Variants in PTPRT observed in about 807,000 individuals in gnomAD.
The protein encoded by PTPRT is protein tyrosine phosphatase receptor type T, also known as receptor-type tyrosine-protein phosphatase T.
A neutral mutation model predicts 176.8 loss-of-function variants in PTPRT; 56 were observed. The observed-to-expected ratio is 0.32, with a 90% CI of 0.26 to 0.40. The LOEUF (loss-of-function observed/expected upper bound fraction) is 0.40. Among genes scored for constraint, PTPRT ranks in the 10% least tolerant of loss-of-function variants. The pLI is 1.00. For synonymous variants in PTPRT, 783 were observed against 739.0 expected, an observed-to-expected ratio of 1.06 and a Z score of -0.96; for missense variants, 1,540 against 1,908.2, an observed-to-expected ratio of 0.81 and a Z score of 3.60.
intron 13 of PTPRT, among the ~76,000 whole-genome samples, chr20:42,274,063 G>A (rs974830799): frequency 3.3e-5 from 5 of 152,154 alleles, no homozygotes; most frequent in African/African-American, 1.2e-4. Flanking sequence ...ACAAAAGGAG[G>A]CAGAAACAGA....
At position 42,446,629 on chromosome 20, in the gene PTPRT, A is replaced by T. The variant is rs976042654; in HGVS notation, c.1560+1591T>A. Among the ~76,000 whole-genome samples, 1,271 of 147,210 alleles carry T rather than the reference A, an allele frequency of 8.6e-3. 18 individuals are homozygous for T. The highest frequency in any genetic ancestry group is 0.03 in the African/African-American group (1,163 of 39,176). ...GTGTGTGTGTGTGTGTGTGAGAGAG[A>T]GAGAGAGATTGTGGTTTCTGCTTTA... is the stretch of plus-strand genomic sequence containing the variant. On this transcript the variant is annotated intron_variant, in intron 9 of 30. Transcript: ENST00000373187.
intron 6 of PTPRT, among the ~76,000 whole-genome samples, chr20:42,744,546 T>C (rs992156109): frequency 2.8e-4 from 42 of 151,750 alleles, no homozygotes; most frequent in African/African-American, 9.7e-4. Context: ...CCTGTGGGGG[T>C]TTCTAATGGC....
chr20:42,512,587 CG>C (rs1293355711), intron 7 of PTPRT, among the ~76,000 whole-genome samples: 1 of 151,998 alleles, frequency 6.6e-6, no homozygotes, highest in African/African-American at 2.4e-5. Flanking sequence ...TAAATATTTG[CG>C]TATTTATTTT....
chr20:43,106,306 T>C (rs184873204), intron 1 of PTPRT, among the ~76,000 whole-genome samples: 564 of 152,070 alleles, frequency 3.7e-3, no homozygotes, highest in Middle Eastern at 6.8e-3. Flanking sequence ...TTCAGTAAAA[T>C]AACAAAAAGA....
intron 11 of PTPRT, among the ~76,000 whole-genome samples, chr20:42,321,456 T>C (rs1046825610): frequency 3.9e-5 from 6 of 152,192 alleles, no homozygotes; most frequent in African/African-American, 1.4e-4. Flanking sequence ...ATGTTTATTC[T>C]GATATTTATA....
chr20:42,471,408 T>C (rs2071195079), intron 8 of PTPRT, among the ~76,000 whole-genome samples: 1 of 152,006 alleles, frequency 6.6e-6, no homozygotes, highest in Non-Finnish European at 1.5e-5. Flanking sequence ...CGACAGTGAG[T>C]GAATTCCCCG....
intron 8 of PTPRT, among the ~76,000 whole-genome samples, chr20:42,460,316 G>A (rs1366290976): frequency 6.6e-6 from 1 of 152,218 alleles, no homozygotes; most frequent in Admixed American, 6.5e-5. Context: ...CCAGCTGCCT[G>A]TTTTTGTAAA....
chr20:42,817,591 T>C (rs2077811456), intron 2 of PTPRT, among the ~76,000 whole-genome samples: 1 of 152,188 alleles, frequency 6.6e-6, no homozygotes, highest in African/African-American at 2.4e-5. Flanking sequence ...CAGGATGAGG[T>C]GAGAAAAACA....
At chr20:42,897,690 C>A (rs2079327547) in intron 1 of PTPRT, among the ~76,000 whole-genome samples, 1 of 152,174 alleles carries the variant, frequency 6.6e-6, no homozygotes, top group South Asian at 2.1e-4. Flanking sequence ...GCAGTTAAAG[C>A]TATGAACTCC....
At chr20:42,257,987 A>T (rs1003493479) in intron 13 of PTPRT, among the ~76,000 whole-genome samples, 1 of 152,114 alleles carries the variant, frequency 6.6e-6, no homozygotes, top group Admixed American at 6.6e-5. Context: ...AGTCTAGCAC[A>T]GAGATTATTC....
intron 9 of PTPRT, among the ~76,000 whole-genome samples, chr20:42,411,905 G>A (rs2059022966): frequency 6.6e-6 from 1 of 151,840 alleles, no homozygotes; most frequent in Admixed American, 6.6e-5. Context: ...TGCTTAAACA[G>A]ATATCCATAT....
rs796973588 is a variant in PTPRT at position 42,597,494 on chromosome 20, T to C, written c.1153+80372A>G. Among the ~76,000 whole-genome samples the C allele has an allele frequency of 2.1e-3, 323 of 152,320 alleles. 3 individuals are homozygous for C. Among genetic ancestry groups the C allele is most frequent in the East Asian group, 2.1e-3 (11 of 5,182 alleles). ...TGACTGGATCATGGAGGCAGAGTTC[T>C]CATGAATGGTTTAACATCATCTTCC... On this transcript the variant is annotated intron_variant, in intron 7 of 30. Transcript: ENST00000373187.
intron 7 of PTPRT, among the ~76,000 whole-genome samples, chr20:42,507,996 C>T (rs548367181): frequency 1.1e-4 from 16 of 151,998 alleles, no homozygotes; most frequent in Middle Eastern, 3.4e-3. Flanking sequence ...CTTTCATTAA[C>T]GTATTTAATC....
intron 6 of PTPRT, among the ~76,000 whole-genome samples, chr20:42,679,414 A>G (rs1295594505): frequency 4.6e-5 from 7 of 152,212 alleles, no homozygotes; most frequent in Admixed American, 2.6e-4. Flanking sequence ...TGCACCAAGG[A>G]AAGCTGTCTG....
chr20:43,090,337 A>G lies in PTPRT; in HGVS notation c.88+99309T>C, dbSNP rs367774526. On this transcript the variant is annotated intron_variant, in intron 1 of 30. Transcript: ENST00000373187. Reference sequence around the variant, plus strand: ...GGCTGGAGTGCAGTGGCGCCATCTCAGCTCACTGCAAGCTCCGCCTCCCGG... The same window carrying G: ...GGCTGGAGTGCAGTGGCGCCATCTCGGCTCACTGCAAGCTCCGCCTCCCGG... Among the ~76,000 whole-genome samples the G allele has an allele frequency of 4.5e-3, 679 of 149,822 alleles. 1 individual carries two copies. Among genetic ancestry groups the G allele is most frequent in the Non-Finnish European group, 7.6e-3 (512 of 67,684 alleles).
chr20:42,153,713 G>C (rs1989229794), intron 17 of PTPRT, among the ~76,000 whole-genome samples: 1 of 152,116 alleles, frequency 6.6e-6, no homozygotes, highest in South Asian at 2.1e-4. Flanking sequence ...ACTTCCAGCT[G>C]CCTACACGTG....
chr20:42,359,694 G>A (rs1039638514), intron 9 of PTPRT, among the ~76,000 whole-genome samples: 2 of 152,206 alleles, frequency 1.3e-5, no homozygotes, highest in African/African-American at 2.4e-5. Context: ...GAGCAGCAAC[G>A]CCTCTGAACA....
At chr20:42,645,922 A>G (rs955530483) in intron 7 of PTPRT, among the ~76,000 whole-genome samples, 1 of 152,088 alleles carries the variant, frequency 6.6e-6, no homozygotes, top group African/African-American at 2.4e-5. Context: ...AGATGCTTCA[A>G]TTACTTTCTC....
chr20:42,917,625 T>A (rs2145946148), intron 1 of PTPRT, among the ~76,000 whole-genome samples: 1 of 152,128 alleles, frequency 6.6e-6, no homozygotes, highest in African/African-American at 2.4e-5. Context: ...CTCAGGAAAA[T>A]TGAACAACCA....
Sources: allele counts gnomAD v4.1 joint callset (sites outside exome capture counted in the v4.1 genomes callset), GRCh38; gene constraint gnomAD v4.1.1; transcripts MANE v1.5; gene names NCBI Gene and HGNC (gene_info 2026-07-23, HGNC 2026-07-21).